TEAD1: variants seen among roughly 807,000 people sequenced by gnomAD.
TEAD1 encodes the protein transcriptional enhancer factor TEF-1.
Under a neutral mutation model 54.9 loss-of-function variants are expected in TEAD1, and 9 were observed. The observed-to-expected ratio is 0.16, with a 90% CI of 0.10 to 0.29. TEAD1 has a LOEUF of 0.29. TEAD1 is among the 10% of genes least tolerant of loss of function. TEAD1 has a pLI of 1.00. For synonymous variants in TEAD1, 200 were observed against 187.8 expected, an observed-to-expected ratio of 1.07 and a Z score of -0.53; for missense variants, 387 against 535.9, an observed-to-expected ratio of 0.72 and a Z score of 2.74.
intron 3 of TEAD1, among the ~76,000 whole-genome samples, chr11:12,791,142 A>T (rs1270665377): frequency 6.6e-6 from 1 of 152,190 alleles, no homozygotes; most frequent in African/African-American, 2.4e-5. Context: ...ATTTCCAGGG[A>T]TAGCTACTCT....
chr11:12,719,206 A>G (rs1254418276), intron 2 of TEAD1, among the ~76,000 whole-genome samples: 6 of 151,838 alleles, frequency 4.0e-5, no homozygotes, highest in Non-Finnish European at 8.8e-5. Flanking sequence ...TAAACATGAG[A>G]GCAGTTTGGG....
chr11:12,934,077 C>T (rs1949056815), intron 12 of TEAD1, among the ~76,000 whole-genome samples: 1 of 152,188 alleles, frequency 6.6e-6, no homozygotes, highest in Non-Finnish European at 1.5e-5. Flanking sequence ...GCTATAAAGA[C>T]ACATGCACAC....
At chr11:12,691,776 TG>T (rs1410073105) in intron 2 of TEAD1, among the ~76,000 whole-genome samples, 2 of 152,198 alleles carry the variant, frequency 1.3e-5, no homozygotes, top group Non-Finnish European at 2.9e-5. Flanking sequence ...AACCAGGACA[TG>T]AGAGATTCCT....
chr11:12,846,816 T>G (rs1277789139), intron 3 of TEAD1, among the ~76,000 whole-genome samples: 1 of 152,184 alleles, frequency 6.6e-6, no homozygotes, highest in Non-Finnish European at 1.5e-5. Context: ...CAGGGAAGAT[T>G]GAGCTAATTT....
chr11:12,710,629 AGACACTGTTGTAGGCACTGGGAT>A (rs941609823), intron 2 of TEAD1, among the ~76,000 whole-genome samples: 4 of 152,184 alleles, frequency 2.6e-5, no homozygotes, highest in Admixed American at 1.3e-4. Flanking sequence ...AGCACTGGCC[AGACACTGTTGTAGGCACTGGGAT>A]GACACTGTTG....
At chr11:12,707,457 A>G (rs908237424) in intron 2 of TEAD1, among the ~76,000 whole-genome samples, 3 of 152,248 alleles carry the variant, frequency 2.0e-5, no homozygotes, top group African/African-American at 7.2e-5. Context: ...CCAGAGCTTA[A>G]CTACCTCACT....
At chr11:12,748,631 G>A (rs1271712050) in intron 2 of TEAD1, among the ~76,000 whole-genome samples, 9 of 152,054 alleles carry the variant, frequency 5.9e-5, no homozygotes, top group Admixed American at 5.9e-4. Flanking sequence ...ATGTCTCCTG[G>A]GATTCTGATT....
chr11:12,881,739 T>G (rs1012105955), intron 7 of TEAD1, among the ~76,000 whole-genome samples, 157 bp from the exon 8 acceptor site: 6 of 152,136 alleles, frequency 3.9e-5, no homozygotes, highest in Non-Finnish European at 7.4e-5. Flanking sequence ...CCTCTCAGTT[T>G]ATGGAACAAC....
chr11:12,869,324 C>T (rs1947690790), intron 5 of TEAD1, among the ~76,000 whole-genome samples: 1 of 152,144 alleles, frequency 6.6e-6, no homozygotes, highest in South Asian at 2.1e-4. Flanking sequence ...GGGGCCAACC[C>T]ACACCCCCTG....
intron 3 of TEAD1, among the ~76,000 whole-genome samples, chr11:12,797,924 A>G (rs1358547415): frequency 6.6e-5 from 10 of 152,050 alleles, no homozygotes; most frequent in Non-Finnish European, 1.5e-4. Context: ...CATCTTTTGT[A>G]TGTTCATTTT....
intron 3 of TEAD1, among the ~76,000 whole-genome samples, chr11:12,816,373 C>A (rs1241963190): frequency 6.6e-6 from 1 of 152,190 alleles, no homozygotes; most frequent in East Asian, 1.9e-4. Context: ...GACACTTGAG[C>A]CAAAGTTGTT....
intron 9 of TEAD1, among the ~76,000 whole-genome samples, chr11:12,899,465 A>G (rs533584775): frequency 9.9e-5 from 15 of 152,230 alleles, no homozygotes; most frequent in Non-Finnish European, 1.9e-4. Flanking sequence ...ACTGTGTCTC[A>G]TACATTTCCA....
At chr11:12,811,091 T>A (rs1046806146) in intron 3 of TEAD1, among the ~76,000 whole-genome samples, 44 of 152,340 alleles carry the variant, frequency 2.9e-4, no homozygotes, top group African/African-American at 1.0e-3. Context: ...GTGATTGATA[T>A]AAGCCTAAAA....
At chr11:12,727,153 T>C (rs1173676747) in intron 2 of TEAD1, among the ~76,000 whole-genome samples, 1 of 152,090 alleles carries the variant, frequency 6.6e-6, no homozygotes, top group Non-Finnish European at 1.5e-5. Flanking sequence ...GGCAGGAGAA[T>C]TGCTTGAACC....
At chr11:12,727,516 T>C (rs1483667284) in intron 2 of TEAD1, among the ~76,000 whole-genome samples, 1 of 152,164 alleles carries the variant, frequency 6.6e-6, no homozygotes, top group Non-Finnish European at 1.5e-5. Context: ...TCAGAATGCC[T>C]AGGAAAAGCA....
At chr11:12,875,785 G>C (rs746071106) in intron 5 of TEAD1, among the ~76,000 whole-genome samples, 1 of 152,150 alleles carries the variant, frequency 6.6e-6, no homozygotes, top group Admixed American at 6.5e-5. Context: ...GACCAAAGCT[G>C]CCCAAATTTT....
At chr11:12,867,478 C>A (rs1262732168) in intron 5 of TEAD1, among the ~76,000 whole-genome samples, 1 of 152,166 alleles carries the variant, frequency 6.6e-6, no homozygotes, top group Non-Finnish European at 1.5e-5. Context: ...TTAGGACAGT[C>A]GCAGAGAGTG....
intron 3 of TEAD1, among the ~76,000 whole-genome samples, chr11:12,788,317 T>G (rs1177279235): frequency 6.6e-6 from 1 of 151,888 alleles, no homozygotes; most frequent in Non-Finnish European, 1.5e-5. Context: ...TTTTTAGTAG[T>G]GACGGGGTTT....
At chr11:12,811,229 A>G (rs1013357670) in intron 3 of TEAD1, among the ~76,000 whole-genome samples, 2 of 152,342 alleles carry the variant, frequency 1.3e-5, no homozygotes, top group East Asian at 3.9e-4. Flanking sequence ...TCAGAAGAGA[A>G]TCACACATCC....
Sources: allele counts gnomAD v4.1 joint callset (sites outside exome capture counted in the v4.1 genomes callset), GRCh38; gene constraint gnomAD v4.1.1; transcripts MANE v1.5; gene names NCBI Gene and HGNC (gene_info 2026-07-23, HGNC 2026-07-21).